SOAT1: variants seen among roughly 807,000 people sequenced by gnomAD.
SOAT1 encodes the protein sterol O-acyltransferase 1.
In SOAT1, 55 loss-of-function variants were observed where a neutral mutation model predicts 69.5. The observed-to-expected ratio is 0.79, with a 90% CI of 0.64 to 0.99. The LOEUF (loss-of-function observed/expected upper bound fraction) is 0.99. Among genes scored for constraint, SOAT1 ranks in the 50% least tolerant of loss-of-function variants. The pLI, the probability that SOAT1 is intolerant of heterozygous loss-of-function variation, is 0.00. For missense variants in SOAT1, 580 were observed against 669.3 expected (o/e 0.87, Z 1.47); for synonymous variants, 231 against 224.7 (o/e 1.03, Z -0.25).
chr1:179,350,387 G>A lies in SOAT1; in HGVS notation c.1406G>A (p.Ser469Asn). The change falls in exon 14 of 16, where the codon AGC (serine) becomes AAC (asparagine). Residue 469 changes from serine to asparagine, a missense_variant. By Grantham distance (46) the Ser-to-Asn change is conservative (BLOSUM62 1). Transcript: ENST00000367619. ...VHEYALAVCL[S>N]FFYPVLFVLF... is the part of the protein sequence containing the mutation. Reference sequence around the variant, plus strand: ...GAATATGCCTTGGCTGTTTGCTTGAGCTTTTTCTATCCCGTGCTCTTCGTG... The same window carrying A: ...GAATATGCCTTGGCTGTTTGCTTGAACTTTTTCTATCCCGTGCTCTTCGTG... The A allele has an allele frequency of 1.9e-6, 3 of 1,614,014 alleles. No individual in the cohort carries two copies. The South Asian group carries it at 3.3e-5, about 18-fold the overall frequency.
chr1:179,341,397 G>C (rs1248976480), intron 7 of SOAT1, 87 bp downstream of exon 7: 1 of 1,323,718 alleles, frequency 7.6e-7, no homozygotes, highest in African/African-American at 1.5e-5. Context: ...ATTATTTTTA[G>C]CTGTATTAAC....
chr1:179,306,101 T>G (rs10913712), intron 2 of SOAT1, among the ~76,000 whole-genome samples: 41,064 of 152,082 alleles, frequency 0.27, 5,724 homozygotes, highest in East Asian at 0.46. Context: ...GTGTGTGTGG[T>G]GTTTTGTTTG....
Position 179,353,212 on chromosome 1 carries a change from T to TATATATATAAATTTATATATAA in SOAT1, c.1597-364_1597-363insAATTTATATATAAATATATATA, listed in dbSNP as rs1413044488. On this transcript the variant is annotated intron_variant, in intron 15 of 15. Transcript: ENST00000367619. ...TCTAAATGGTGGTTATATATAAATA[T>TATATATATAAATTTATATATAA]ATATATATATATCTATTTGTCGTCC... Among the ~76,000 whole-genome samples, 13 of 80,798 alleles carry TATATATATAAATTTATATATAA rather than the reference T, an allele frequency of 1.6e-4. 3 individuals are homozygous for TATATATATAAATTTATATATAA. In the East Asian group the frequency reaches 2.8e-3, roughly 18 times the overall value. 53.0% of individuals were successfully genotyped at this position (80,798 alleles called of 152,430 possible).
chr1:179,342,337 C>T, intron 8 of SOAT1, 145 bp downstream of exon 8: 4 of 544,850 alleles, frequency 7.3e-6, no homozygotes, highest in Non-Finnish European at 9.7e-6. Flanking sequence ...CTCTCTCTCT[C>T]TTTTTCTTTT....
intron 15 of SOAT1, 142 bp from the exon 16 acceptor site, chr1:179,353,440 AGCT>A (rs1666815952): frequency 8.5e-6 from 6 of 704,558 alleles, no homozygotes; most frequent in Non-Finnish European, 1.5e-5. Context: ...TGAATTAGTG[AGCT>A]GCTTATACCT....
chr1:179,342,289 T>G, intron 8 of SOAT1, 97 bp downstream of exon 8: 5 of 658,064 alleles, frequency 7.6e-6, no homozygotes, highest in Non-Finnish European at 1.0e-5. Flanking sequence ...CCTTCTTTCC[T>G]TCCCTCCCTC....
chr1:179,353,785 A>T lies in SOAT1; in HGVS notation c.*144A>T, dbSNP rs1005142085. The T allele has an allele frequency of 1.5e-4, 109 of 709,530 alleles. No homozygotes were observed. The highest frequency in any genetic ancestry group is 1.3e-4 in the Admixed American group (5 of 37,192). 44.0% of individuals were successfully genotyped at this position (709,530 alleles called of 1,614,324 possible). A position where few individuals can be genotyped will look rare whatever the true frequency, so the allele number is the denominator to read the frequency against. On this transcript the variant is annotated 3_prime_UTR_variant, in exon 16 of 16. Coordinates refer to ENST00000367619, the MANE Select transcript of SOAT1 (RefSeq NM_003101.6). ...AGATGACTCACTCCATTCCTAGGTC[A>T]CTTGAAGCCAAACTGTTGGAAGTTC...
intron 2 of SOAT1, among the ~76,000 whole-genome samples, chr1:179,314,053 A>G (rs1031202356): frequency 6.6e-5 from 10 of 152,214 alleles, no homozygotes; most frequent in Admixed American, 1.3e-4. Flanking sequence ...GAAAAATCCA[A>G]CAAGTCTTCA....
At chr1:179,352,112 ACTC>A (rs1666760899) in intron 15 of SOAT1, among the ~76,000 whole-genome samples, 1 of 149,332 alleles carries the variant, frequency 6.7e-6, no homozygotes, top group Admixed American at 6.7e-5. Context: ...TTCTAAATAA[ACTC>A]TTGTAAAAAT....
At chr1:179,310,299 T>C (rs1186189445) in intron 2 of SOAT1, among the ~76,000 whole-genome samples, 1 of 151,456 alleles carries the variant, frequency 6.6e-6, no homozygotes, top group African/African-American at 2.4e-5. Context: ...GTGTTTTATA[T>C]TGAAATATTT....
At chr1:179,294,932 A>G (rs1664580859) in intron 1 of SOAT1, among the ~76,000 whole-genome samples, 1 of 146,814 alleles carries the variant, frequency 6.8e-6, no homozygotes, top group Admixed American at 6.7e-5. Context: ...AGTAGAATTC[A>G]ATTTGAAGCT....
chr1:179,330,183 A>G (rs1665925980), intron 3 of SOAT1, among the ~76,000 whole-genome samples: 1 of 152,178 alleles, frequency 6.6e-6, no homozygotes, highest in Admixed American at 6.5e-5. Flanking sequence ...GTTGGCAGGC[A>G]GGGGACCTAG....
At chr1:179,316,240 GACATT>G (rs1469933560) in intron 2 of SOAT1, among the ~76,000 whole-genome samples, 1 of 152,074 alleles carries the variant, frequency 6.6e-6, no homozygotes, top group Non-Finnish European at 1.5e-5. Context: ...GATAATTGAA[GACATT>G]CCACTGTCTC....
intron 2 of SOAT1, among the ~76,000 whole-genome samples, chr1:179,322,451 C>T (rs1665634703): frequency 2.0e-5 from 3 of 151,746 alleles, no homozygotes; most frequent in African/African-American, 2.4e-5. Context: ...GGCGCAATCT[C>T]GGCTCACTGC....
Position 179,356,490 on chromosome 1 carries a change from T to TA in SOAT1, c.*2851dup, listed in dbSNP as rs1553249298. Reference sequence around the variant, plus strand: ...CTTTTTTTTTTTTTTTTTTTTTTTTTAAGACAGAGTCTTGTTCTGTCGCCC... The same window carrying TA: ...CTTTTTTTTTTTTTTTTTTTTTTTTTAAAGACAGAGTCTTGTTCTGTCGCCC... On this transcript the variant is annotated 3_prime_UTR_variant, in exon 16 of 16. Transcript: ENST00000367619. The TA allele has an allele frequency of 1.3e-4, 17 of 126,554 alleles. No homozygotes were observed. Among genetic ancestry groups the TA allele is most frequent in the African/African-American group, 4.0e-4 (14 of 34,718 alleles). The allele number at this position is 126,554 out of a possible 1,614,324, so 7.8% of individuals were successfully genotyped here.
At chr1:179,294,213 A>G (rs545143002) in intron 1 of SOAT1, 3 of 152,326 alleles carry the variant, frequency 2.0e-5, no homozygotes, top group African/African-American at 7.2e-5. Context: ...AGTAGTAAAG[A>G]AAGTTAGGAA....
At chr1:179,329,031 G>A (rs796563963) in intron 3 of SOAT1, among the ~76,000 whole-genome samples, 47 of 131,638 alleles carry the variant, frequency 3.6e-4, no homozygotes, top group African/African-American at 1.3e-3. Flanking sequence ...GGGTGATAGA[G>A]CCAGACTTTG....
At chr1:179,344,334 T>G (rs1666444623) in intron 10 of SOAT1, among the ~76,000 whole-genome samples, 1 of 146,568 alleles carries the variant, frequency 6.8e-6, no homozygotes, top group Non-Finnish European at 1.5e-5. Context: ...ATTTATGAAG[T>G]AAGTTCTTTC....
At chr1:179,335,362 G>A in intron 3 of SOAT1, 144 bp from the exon 4 acceptor site, 1 of 644,098 alleles carries the variant, frequency 1.6e-6, no homozygotes, top group South Asian at 2.2e-5. Flanking sequence ...TCAGATACAG[G>A]AATTGATTTT....
Sources: allele counts gnomAD v4.1 joint callset (sites outside exome capture counted in the v4.1 genomes callset), GRCh38; gene constraint gnomAD v4.1.1; transcripts MANE v1.5; gene names NCBI Gene and HGNC (gene_info 2026-07-23, HGNC 2026-07-21).